DLG2: variants seen among roughly 807,000 people sequenced by gnomAD.
DLG2 encodes disks large homolog 2.
Under a neutral mutation model 132.5 loss-of-function variants are expected in DLG2, and 45 were observed. The observed-to-expected ratio is 0.34, with a 90% CI of 0.27 to 0.44. DLG2 has a LOEUF of 0.44. DLG2 is among the 20% of genes least tolerant of loss of function. The pLI is 1.00. For missense variants in DLG2, 1,045 were observed against 1,196.9 expected (o/e 0.87, Z 1.87); for synonymous variants, 424 against 419.6 (o/e 1.01, Z -0.13).
At chr11:84,460,245 G>T (rs377213125) in intron 7 of DLG2, among the ~76,000 whole-genome samples, 2 of 150,444 alleles carry the variant, frequency 1.3e-5, no homozygotes, top group Non-Finnish European at 3.0e-5. Flanking sequence ...TGACTATTGC[G>T]TTGTGTAGGA....
At chr11:83,977,488 T>C (rs2092377589) in intron 12 of DLG2, among the ~76,000 whole-genome samples, 1 of 152,086 alleles carries the variant, frequency 6.6e-6, no homozygotes, top group Admixed American at 6.6e-5. Flanking sequence ...TCAACCTTGT[T>C]TGCACATACA....
intron 17 of DLG2, chr11:83,790,104 A>G: frequency 4.1e-6 from 4 of 972,450 alleles, no homozygotes; most frequent in Non-Finnish European, 4.6e-6. Context: ...ATGAACCGAG[A>G]CACTGGCTTG....
intron 6 of DLG2, among the ~76,000 whole-genome samples, chr11:85,022,845 C>T (rs2060199652): frequency 6.6e-6 from 1 of 152,064 alleles, no homozygotes; most frequent in Non-Finnish European, 1.5e-5. Flanking sequence ...TACCTTATTA[C>T]TTATTTTTTC....
intron 3 of DLG2, among the ~76,000 whole-genome samples, chr11:85,514,205 C>G (rs889914061): frequency 2.0e-5 from 3 of 152,060 alleles, no homozygotes; most frequent in African/African-American, 7.2e-5. Context: ...CTTTAATCCT[C>G]ACATCAACTT....
chr11:84,106,838 TGTGTTTGAG>T (rs2092956620), intron 9 of DLG2, among the ~76,000 whole-genome samples: 1 of 136,350 alleles, frequency 7.3e-6, no homozygotes, highest in African/African-American at 2.9e-5. Context: ...TGTGTGTGTG[TGTGTTTGAG>T]TGAGTGTGTG....
chr11:83,790,198 A>G, intron 17 of DLG2: 5 of 872,522 alleles, frequency 5.7e-6, no homozygotes, highest in Non-Finnish European at 9.2e-6. Context: ...CCCTGACTGA[A>G]TGCTCAATTA....
At chr11:83,771,505 G>A (rs922145182) in intron 18 of DLG2, among the ~76,000 whole-genome samples, 7 of 152,174 alleles carry the variant, frequency 4.6e-5, no homozygotes, top group African/African-American at 1.7e-4. Context: ...TAGCCTAATA[G>A]ACAACTAGGC....
At chr11:84,362,787 A>G (rs1309647048) in intron 7 of DLG2, among the ~76,000 whole-genome samples, 1 of 151,970 alleles carries the variant, frequency 6.6e-6, no homozygotes, top group Non-Finnish European at 1.5e-5. Flanking sequence ...GCGATAGTTT[A>G]CTGAGAATGA....
intron 2 of DLG2, among the ~76,000 whole-genome samples, chr11:85,615,207 G>A (rs2081259462): frequency 6.6e-6 from 1 of 152,152 alleles, no homozygotes; most frequent in African/African-American, 2.4e-5. Context: ...CTACGCAGCA[G>A]TAAACAGAAA....
chr11:84,496,863 T>C (rs1054543132), intron 7 of DLG2, among the ~76,000 whole-genome samples: 4 of 152,136 alleles, frequency 2.6e-5, no homozygotes, highest in Non-Finnish European at 5.9e-5. Flanking sequence ...TATCTGGACA[T>C]GGTAAAAAAC....
chr11:83,553,259 T>G (rs569008737), intron 19 of DLG2, among the ~76,000 whole-genome samples: 1 of 152,336 alleles, frequency 6.6e-6, no homozygotes, highest in Non-Finnish European at 1.5e-5. Flanking sequence ...TTTAAAATTT[T>G]TATGTCTAAA....
chr11:84,303,925 A>G (rs1427222825), intron 7 of DLG2, among the ~76,000 whole-genome samples: 2 of 152,186 alleles, frequency 1.3e-5, no homozygotes. Flanking sequence ...GCCCTGTATT[A>G]ATATACATTC....
chr11:83,535,658 T>TAA (rs200336795), intron 20 of DLG2, among the ~76,000 whole-genome samples: 4 of 144,666 alleles, frequency 2.8e-5, no homozygotes, highest in Non-Finnish European at 6.1e-5. Flanking sequence ...ATAGAGAAAG[T>TAA]AAAAAAAAAA....
At chr11:84,360,931 T>C (rs188327732) in intron 7 of DLG2, among the ~76,000 whole-genome samples, 61 of 151,952 alleles carry the variant, frequency 4.0e-4, no homozygotes, top group African/African-American at 1.4e-3. Context: ...GGAAGATTTT[T>C]AATGAACCAA....
intron 7 of DLG2, among the ~76,000 whole-genome samples, chr11:84,278,539 A>G (rs2097811799): frequency 6.6e-6 from 1 of 152,098 alleles, no homozygotes; most frequent in African/African-American, 2.4e-5. Context: ...AGAAAAGCTA[A>G]TATCAATAAA....
At chr11:84,195,499 C>G (rs774643406) in intron 8 of DLG2, among the ~76,000 whole-genome samples, 2 of 152,084 alleles carry the variant, frequency 1.3e-5, no homozygotes, top group African/African-American at 2.4e-5. Context: ...CAATATTTCT[C>G]TGCCTCTCCT....
intron 6 of DLG2, chr11:85,020,767 C>T (rs1592794778): frequency 1.4e-5 from 10 of 691,266 alleles, no homozygotes; most frequent in South Asian, 1.4e-4. Context: ...CTAAACCCTG[C>T]TATGTGCTTC....
intron 4 of DLG2, among the ~76,000 whole-genome samples, chr11:85,266,083 A>T (rs538201629): frequency 1.3e-5 from 2 of 152,232 alleles, no homozygotes; most frequent in Non-Finnish European, 2.9e-5. Flanking sequence ...AGGGCCACTG[A>T]GGTGATAACA....
chr11:84,753,824 A>G (rs2066499439), intron 6 of DLG2, among the ~76,000 whole-genome samples: 1 of 152,236 alleles, frequency 6.6e-6, no homozygotes, highest in Non-Finnish European at 1.5e-5. Flanking sequence ...ATAGATTGAG[A>G]AAGAGTGGCC....
Sources: allele counts gnomAD v4.1 joint callset (sites outside exome capture counted in the v4.1 genomes callset), GRCh38; gene constraint gnomAD v4.1.1; transcripts MANE v1.5; gene names NCBI Gene and HGNC (gene_info 2026-07-23, HGNC 2026-07-21).